Variants in NBEA observed in about 807,000 individuals in gnomAD.
The protein encoded by NBEA is neurobeachin.
In NBEA, 44 loss-of-function variants were observed where a neutral mutation model predicts 343.4. The ratio of observed to expected loss-of-function variants is 0.13; its 90% CI spans 0.10 to 0.16. The LOEUF is 0.16. Ranked by LOEUF, NBEA falls within the 10% of genes least tolerant of loss-of-function variation. The pLI is 1.00. For missense variants in NBEA, 2,555 were observed against 3,631.3 expected (o/e 0.70, Z 7.62); for synonymous variants, 1,175 against 1,238.7 (o/e 0.95, Z 1.08).
chr13:35,382,695 G>A (rs1353314789), intron 38 of NBEA, among the ~76,000 whole-genome samples: 2 of 151,902 alleles, frequency 1.3e-5, no homozygotes, highest in Non-Finnish European at 2.9e-5. Flanking sequence ...CTTTTTAATA[G>A]GTTTACATTT....
intron 3 of NBEA, 95 bp from the exon 4 acceptor site, chr13:35,045,211 C>G: frequency 8.2e-7 from 1 of 1,219,450 alleles, no homozygotes; most frequent in Non-Finnish European, 1.1e-6. Context: ...TAATTTTTCT[C>G]TCTAGTTAGA....
chr13:35,423,163 T>C (rs931132894), intron 38 of NBEA, among the ~76,000 whole-genome samples: 4 of 152,202 alleles, frequency 2.6e-5, no homozygotes, highest in African/African-American at 9.7e-5. Flanking sequence ...TTAGATCCCA[T>C]TTGTCAATTT....
intron 1 of NBEA, among the ~76,000 whole-genome samples, chr13:35,010,765 T>C (rs1248733334): frequency 9.1e-6 from 1 of 110,294 alleles, no homozygotes; most frequent in African/African-American, 3.7e-5. Context: ...TATATATATA[T>C]ATATATATAT....
At chr13:35,003,385 G>T in intron 1 of NBEA, among the ~76,000 whole-genome samples, 1 of 151,974 alleles carries the variant, frequency 6.6e-6, no homozygotes, top group East Asian at 1.9e-4. Context: ...GAAAGAAAGG[G>T]TATGCAGTAT....
chr13:35,612,267 G>T (rs935382846), intron 48 of NBEA, among the ~76,000 whole-genome samples: 21 of 151,982 alleles, frequency 1.4e-4, no homozygotes, highest in African/African-American at 5.1e-4. Context: ...TGAGTAGCTG[G>T]GACTACAGGC....
chr13:35,420,239 G>A (rs1183403946), intron 38 of NBEA, among the ~76,000 whole-genome samples: 1 of 152,020 alleles, frequency 6.6e-6, no homozygotes, highest in Non-Finnish European at 1.5e-5. Flanking sequence ...TCACTCTTAA[G>A]TATAAAGTTA....
At chr13:35,585,464 G>A (rs998303653) in intron 46 of NBEA, among the ~76,000 whole-genome samples, 1 of 151,758 alleles carries the variant, frequency 6.6e-6, no homozygotes, top group Non-Finnish European at 1.5e-5. Flanking sequence ...CCCTCTCCTG[G>A]TTTGCCTCCT....
chr13:35,476,832 C>T, intron 41 of NBEA: 3 of 1,010,072 alleles, frequency 3.0e-6, no homozygotes, highest in East Asian at 1.0e-4. Flanking sequence ...GGCACACAAA[C>T]TAAAGGTAGG....
intron 38 of NBEA, among the ~76,000 whole-genome samples, chr13:35,409,798 C>T (rs1022939293): frequency 4.0e-5 from 6 of 151,350 alleles, no homozygotes; most frequent in Non-Finnish European, 1.5e-5. Context: ...CGCAGCTTAA[C>T]AAAGTAGTAG....
intron 25 of NBEA, among the ~76,000 whole-genome samples, chr13:35,170,267 A>T (rs896690891): frequency 6.6e-6 from 1 of 151,826 alleles, no homozygotes; most frequent in Non-Finnish European, 1.5e-5. Flanking sequence ...ATTAAATAGG[A>T]ATAGATACCT....
At chr13:35,292,616 C>T (rs2035874342) in intron 35 of NBEA, among the ~76,000 whole-genome samples, 2 of 151,800 alleles carry the variant, frequency 1.3e-5, no homozygotes, top group Admixed American at 6.6e-5. Flanking sequence ...TACAGACAGC[C>T]CTTTGTAAGT....
intron 11 of NBEA, 67 bp downstream of exon 11, chr13:35,098,472 T>G: frequency 2.6e-6 from 3 of 1,171,444 alleles, no homozygotes; most frequent in Non-Finnish European, 3.7e-6. Context: ...ATCACTAATT[T>G]TTTTTTCTGT....
At chr13:35,267,979 A>G (rs1262621149) in intron 34 of NBEA, among the ~76,000 whole-genome samples, 2 of 152,038 alleles carry the variant, frequency 1.3e-5, no homozygotes, top group East Asian at 1.9e-4. Context: ...TATAATTACC[A>G]TGTCACCTAG....
chr13:35,254,895 A>G (rs2152792073), intron 34 of NBEA, among the ~76,000 whole-genome samples: 1 of 152,138 alleles, frequency 6.6e-6, no homozygotes, highest in East Asian at 1.9e-4. Context: ...TTACATTAAA[A>G]TAATATTTTT....
chr13:35,561,716 G>C (rs975618807), intron 44 of NBEA, among the ~76,000 whole-genome samples: 2 of 152,084 alleles, frequency 1.3e-5, no homozygotes, highest in Non-Finnish European at 2.9e-5. Context: ...GCATTATGCA[G>C]ACTTTTTACA....
intron 38 of NBEA, among the ~76,000 whole-genome samples, chr13:35,367,417 T>C (rs2041182981): frequency 2.0e-5 from 3 of 151,492 alleles, no homozygotes; most frequent in South Asian, 2.1e-4. Context: ...GTTTAGACAA[T>C]TGAGCCCCAG....
intron 1 of NBEA, among the ~76,000 whole-genome samples, chr13:35,021,751 T>C (rs911826206): frequency 1.3e-5 from 2 of 152,138 alleles, no homozygotes; most frequent in Non-Finnish European, 2.9e-5. Context: ...AGTACACATA[T>C]ATTTCTCCCG....
chr13:34,965,664 A>G (rs1374432382), intron 1 of NBEA, among the ~76,000 whole-genome samples: 3 of 151,994 alleles, frequency 2.0e-5, no homozygotes, highest in South Asian at 4.1e-4. Context: ...TTTAACTCAC[A>G]TCTATCTCTC....
chr13:35,302,748 C>T (rs888072137), intron 35 of NBEA, among the ~76,000 whole-genome samples: 1 of 152,174 alleles, frequency 6.6e-6, no homozygotes, highest in Admixed American at 6.5e-5. Context: ...GAATTAAAGT[C>T]TTGTTTCCTT....
Sources: allele counts gnomAD v4.1 joint callset (sites outside exome capture counted in the v4.1 genomes callset), GRCh38; gene constraint gnomAD v4.1.1; transcripts MANE v1.5; gene names NCBI Gene and HGNC (gene_info 2026-07-23, HGNC 2026-07-21).